The following ELL2 variants were observed in gnomAD, a reference collection of about 807,000 sequenced individuals.
The protein encoded by ELL2 is RNA polymerase II elongation factor ELL2.
Under a neutral mutation model 72.8 loss-of-function variants are expected in ELL2, and 21 were observed. The observed-to-expected ratio is 0.29, with a 90% CI of 0.20 to 0.42. The LOEUF (loss-of-function observed/expected upper bound fraction) is 0.42. Among genes scored for constraint, ELL2 ranks in the 10% least tolerant of loss-of-function variants. ELL2 has a pLI of 1.00. For missense variants in ELL2, 568 were observed against 772.8 expected (o/e 0.73, Z 3.14); for synonymous variants, 266 against 283.2 (o/e 0.94, Z 0.61).
At chr5:95,946,769 T>C (rs1269996493) in intron 1 of ELL2, among the ~76,000 whole-genome samples, 3 of 152,228 alleles carry the variant, frequency 2.0e-5, no homozygotes, top group Non-Finnish European at 4.4e-5. Context: ...AGCTCTACTT[T>C]GCCAATCCAT....
intron 2 of ELL2, among the ~76,000 whole-genome samples, chr5:95,923,461 C>A (rs945847056): frequency 6.6e-6 from 1 of 152,142 alleles, no homozygotes; most frequent in African/African-American, 2.4e-5. Flanking sequence ...TACGCAGACA[C>A]GGCAGGGGCA....
intron 2 of ELL2, among the ~76,000 whole-genome samples, chr5:95,927,688 C>CATGT (rs1554077447): frequency 2.2e-5 from 1 of 45,750 alleles, no homozygotes; most frequent in Non-Finnish European, 3.8e-5. Context: ...TACACACACA[C>CATGT]GTGTGTATAT....
intron 1 of ELL2, among the ~76,000 whole-genome samples, chr5:95,961,246 G>C (rs1204702490): frequency 1.3e-5 from 2 of 151,904 alleles, no homozygotes; most frequent in Admixed American, 6.5e-5. Flanking sequence ...TTCTCTTATC[G>C]GGGCCTCTCT....
chr5:95,956,306 C>T (rs1459918699), intron 1 of ELL2, among the ~76,000 whole-genome samples: 1 of 152,174 alleles, frequency 6.6e-6, no homozygotes, highest in Non-Finnish European at 1.5e-5. Context: ...TTTCCAAACA[C>T]TGAAGGATGG....
At chr5:95,908,443 G>GC (rs1399974420) in intron 4 of ELL2, among the ~76,000 whole-genome samples, 2 of 152,192 alleles carry the variant, frequency 1.3e-5, no homozygotes, top group Non-Finnish European at 2.9e-5. Context: ...ATGAACAAAT[G>GC]CCTAATGTTT....
intron 7 of ELL2, 100 bp from the exon 8 acceptor site, chr5:95,898,910 T>C: frequency 1.2e-6 from 1 of 846,446 alleles, no homozygotes; most frequent in Non-Finnish European, 1.7e-6. Flanking sequence ...CCTTACTTAC[T>C]ATTAATATTA....
chr5:95,913,729 C>A, intron 4 of ELL2, 42 bp downstream of exon 4: 2 of 1,515,170 alleles, frequency 1.3e-6, no homozygotes, highest in Non-Finnish European at 8.8e-7. Flanking sequence ...TCTTGAATTA[C>A]TCCAATCAAT....
intron 1 of ELL2, among the ~76,000 whole-genome samples, chr5:95,951,721 C>T (rs534813552): frequency 1.3e-5 from 2 of 152,174 alleles, no homozygotes; most frequent in South Asian, 2.1e-4. Flanking sequence ...GAAAAGATCA[C>T]TCTAGCTGCT....
chr5:95,934,525 G>C (rs1428008335), intron 2 of ELL2, among the ~76,000 whole-genome samples: 2 of 152,142 alleles, frequency 1.3e-5, no homozygotes, highest in South Asian at 4.1e-4. Flanking sequence ...ACTCAGAAAG[G>C]AAAGTAACCT....
intron 10 of ELL2, among the ~76,000 whole-genome samples, chr5:95,890,468 A>G (rs961411097): frequency 6.6e-6 from 1 of 152,248 alleles, no homozygotes; most frequent in Admixed American, 6.5e-5. Flanking sequence ...ACTCATTTCT[A>G]TCAATCCCTT....
intron 1 of ELL2, among the ~76,000 whole-genome samples, chr5:95,946,480 T>C (rs1342170944): frequency 6.6e-6 from 1 of 152,118 alleles, no homozygotes; most frequent in Non-Finnish European, 1.5e-5. Context: ...GACAATGGCT[T>C]TTTCCCTTCC....
chr5:95,891,168 C>G lies in ELL2; in HGVS notation c.1696G>C (p.Ala566Pro), dbSNP rs772824870. 1.9e-6 allele frequency: 3 copies of G among 1,614,020 alleles called. No homozygotes were observed. Among genetic ancestry groups the G allele is most frequent in the Non-Finnish European group, 1.7e-6 (2 of 1,180,034 alleles). The change falls in exon 10 of 12, where the codon GCT becomes CCT. Residue 566 changes from alanine to proline, a missense_variant. Around this residue, in one of 2 missense-constraint regions of ELL2, gnomAD observed 511 missense variants for 728.4 expected, o/e 0.70. Transcript: ENST00000237853. ...RALHARMETV[A>P]RRFIKLDAQR... ...GCATCTAGTTTGATAAATCTTCTAG[C>G]TACAGTCTCCATCCTGGCATGCAAA...
chr5:95,907,296 A>ATATATATATATATATATTTTTTT, intron 4 of ELL2, among the ~76,000 whole-genome samples: 24 of 116,474 alleles, frequency 2.1e-4, no homozygotes, highest in African/African-American at 9.8e-4. Flanking sequence ...ATATATATAT[A>ATATATATATATATATATTTTTTT]TTTTTTTTTT....
intron 9 of ELL2, among the ~76,000 whole-genome samples, chr5:95,893,197 C>T (rs1460798939): frequency 6.6e-6 from 1 of 152,060 alleles, no homozygotes; most frequent in African/African-American, 2.4e-5. Flanking sequence ...GTTACACTGG[C>T]ATTTTTAAGA....
chr5:95,936,397 A>T (rs1241259938), intron 2 of ELL2, among the ~76,000 whole-genome samples: 1 of 152,166 alleles, frequency 6.6e-6, no homozygotes, highest in Non-Finnish European at 1.5e-5. Flanking sequence ...GGGGAAAAAA[A>T]TTGTTTTAAG....
intron 9 of ELL2, 51 bp from the exon 10 acceptor site, chr5:95,891,325 C>T (rs775238018): frequency 1.3e-6 from 2 of 1,539,250 alleles, no homozygotes; most frequent in Non-Finnish European, 1.7e-6. Context: ...AACATGATTG[C>T]ACAAGTCTGA....
intron 1 of ELL2, among the ~76,000 whole-genome samples, chr5:95,948,936 C>T (rs1050315645): frequency 3.9e-5 from 6 of 152,184 alleles, no homozygotes; most frequent in African/African-American, 1.4e-4. Flanking sequence ...ACTTTCACTG[C>T]TCTTAGAAGC....
At chr5:95,958,351 C>T (rs1316072589) in intron 1 of ELL2, among the ~76,000 whole-genome samples, 1 of 152,166 alleles carries the variant, frequency 6.6e-6, no homozygotes, top group South Asian at 2.1e-4. Flanking sequence ...AAAAGCTCAG[C>T]CAGATGCCTA....
chr5:95,901,336 C>T (rs7716691), intron 5 of ELL2, among the ~76,000 whole-genome samples: 56,809 of 151,808 alleles, frequency 0.37, 11,954 homozygotes, highest in African/African-American at 0.58. Flanking sequence ...AGATAATAAG[C>T]CCATATTAGG....
Sources: allele counts gnomAD v4.1 joint callset (sites outside exome capture counted in the v4.1 genomes callset), GRCh38; gene constraint gnomAD v4.1.1; regional missense constraint gnomAD v4.1.1; transcripts MANE v1.5; gene names NCBI Gene and HGNC (gene_info 2026-07-23, HGNC 2026-07-21).